Variants in PCDHGB7 observed in about 807,000 individuals in gnomAD.
PCDHGB7 encodes the protein protocadherin gamma subfamily B, 7, also known as protocadherin gamma-B7.
In PCDHGB7, 37 loss-of-function variants were observed where a neutral mutation model predicts 61.4. The observed-to-expected ratio is 0.60, with a 90% confidence interval of 0.46 to 0.79. The LOEUF is 0.79. Ranked by LOEUF, PCDHGB7 falls within the 30% of genes least tolerant of loss-of-function variation. PCDHGB7 has a pLI of 0.00. For missense variants in PCDHGB7, 1,166 were observed against 1,202.5 expected, an observed-to-expected ratio of 0.97 and a Z score of 0.45; for synonymous variants, 464 against 503.5, an observed-to-expected ratio of 0.92 and a Z score of 1.05.
In PCDHGB7 at chr5:141,431,326, T is replaced by G. The variant is rs1486136293; in HGVS notation, c.2415+11052T>G. 6.2e-7 allele frequency: 1 copy of G among 1,614,046 alleles called. No individual in the cohort carries two copies. Among genetic ancestry groups the G allele is most frequent in the Non-Finnish European group, 8.5e-7 (1 of 1,180,018 alleles). On this transcript the variant is annotated intron_variant, in intron 1 of 3. Transcript: ENST00000398594. This position sits in a 1 kb window ranked among gnomAD's most constrained non-coding sequence, Gnocchi z 4.8. Reference sequence around the variant, plus strand: ...TCGTGCAAAATGGAGCCGACGGTAGTAAGTACCCCGAATTGGTGCTGAAAC... The same window carrying G: ...TCGTGCAAAATGGAGCCGACGGTAGGAAGTACCCCGAATTGGTGCTGAAAC...
rs751318430 is a variant in PCDHGB7 at position 141,485,603 on chromosome 5, G to A, written c.2416-9204G>A. 1 of 1,612,482 alleles carries A rather than the reference G, an allele frequency of 6.2e-7. No homozygotes were observed. The stretch of plus-strand genomic sequence containing the variant: ...GCAGCAGCTGGACTTGGAAATTGGG[G>A]AGGCAGCTCCTCCAGGACAGCGTTT... On this transcript the variant is annotated intron_variant, in intron 1 of 3. Coordinates refer to ENST00000398594, the MANE Select transcript of PCDHGB7 (RefSeq NM_018927.4). This position sits in a 1 kb window ranked among gnomAD's most constrained non-coding sequence, Gnocchi z 5.7.
chr5:141,437,617 C>G (rs570138576), intron 1 of PCDHGB7, among the ~76,000 whole-genome samples: 1 of 152,220 alleles, frequency 6.6e-6, no homozygotes, highest in South Asian at 2.1e-4. Context: ...CTGCTTTATC[C>G]CCATATAAGA....
At chr5:141,500,930 G>A (rs1300719832) in intron 2 of PCDHGB7, among the ~76,000 whole-genome samples, 4 of 151,824 alleles carry the variant, frequency 2.6e-5, no homozygotes, top group Admixed American at 6.6e-5. Context: ...GTGCAGTGGC[G>A]CCATCTCGGC....
chr5:141,509,900 C>T (rs2099878860), intron 3 of PCDHGB7, among the ~76,000 whole-genome samples: 1 of 152,186 alleles, frequency 6.6e-6, no homozygotes, highest in Admixed American at 6.5e-5. Context: ...CTGTCCCTTC[C>T]AGCATGCGCT....
chr5:141,419,186 A>G lies in PCDHGB7; in HGVS notation c.1327A>G (p.Thr443Ala). ...SSSKTITLHI[T>A]DVNDNAPVFG... ...CAGCAAAACCATAACCCTGCACATTACTGACGTCAATGACAACGCGCCGGT... is the reference window on the plus strand; with the variant it reads ...CAGCAAAACCATAACCCTGCACATTGCTGACGTCAATGACAACGCGCCGGT... The change falls in exon 1 of 4, where the codon ACT (threonine) becomes GCT (alanine). Residue 443 changes from threonine to alanine, a missense_variant. Transcript: ENST00000398594. 2 of 1,613,940 alleles carry G rather than the reference A, an allele frequency of 1.2e-6. No homozygotes were observed. The highest frequency in any genetic ancestry group is 1.7e-6 in the Non-Finnish European group (2 of 1,179,882).
intron 3 of PCDHGB7, among the ~76,000 whole-genome samples, chr5:141,509,583 A>G (rs1008344833): frequency 7.2e-5 from 11 of 152,320 alleles, no homozygotes; most frequent in African/African-American, 2.4e-4. Flanking sequence ...CGTACAAATC[A>G]GCTGGCAATT....
At chr5:141,478,108 G>A (rs1160328367) in intron 1 of PCDHGB7, 1 of 1,614,046 alleles carries the variant, frequency 6.2e-7, no homozygotes, top group Admixed American at 1.7e-5. Flanking sequence ...CCCTCACTGT[G>A]TCAGTAACCG....
At chr5:141,434,128 G>A (rs1267483739) in intron 1 of PCDHGB7, among the ~76,000 whole-genome samples, 1 of 152,138 alleles carries the variant, frequency 6.6e-6, no homozygotes, top group Non-Finnish European at 1.5e-5. Flanking sequence ...ACTCCCTTTA[G>A]GCTGATTTCT....
Position 141,476,294 on chromosome 5 carries a change from A to G in PCDHGB7, c.2416-18513A>G. 6.2e-7 allele frequency: 1 copy of G among 1,613,036 alleles called. No homozygotes were observed. The highest frequency in any genetic ancestry group is 8.5e-7 in the Non-Finnish European group (1 of 1,179,642). On this transcript the variant is annotated intron_variant, in intron 1 of 3. Transcript: ENST00000398594. The surrounding 1 kb of genome is among the most constrained non-coding windows in gnomAD (Gnocchi z 7.6). ...CGCGAACCTTGGTTTGGATCTCGGT[A>G]GCCTCTCAGCCCGCAGGTTCCGGGT...
chr5:141,443,274 A>G (rs1259320198), intron 1 of PCDHGB7, among the ~76,000 whole-genome samples: 12 of 151,534 alleles, frequency 7.9e-5, no homozygotes, highest in African/African-American at 1.7e-4. Context: ...TGAGCCCAGG[A>G]GTTTGAGACC....
At chr5:141,508,756 C>A (rs890362975) in intron 3 of PCDHGB7, among the ~76,000 whole-genome samples, 2 of 151,904 alleles carry the variant, frequency 1.3e-5, no homozygotes, top group African/African-American at 4.8e-5. Flanking sequence ...CTTTCTCTGG[C>A]GCCTCTGAGG....
chr5:141,451,682 G>GA (rs1401536376), intron 1 of PCDHGB7, among the ~76,000 whole-genome samples: 1 of 152,128 alleles, frequency 6.6e-6, no homozygotes, highest in Non-Finnish European at 1.5e-5. Flanking sequence ...AGGAGTTCAA[G>GA]ACCAGCCTGG....
intron 1 of PCDHGB7, among the ~76,000 whole-genome samples, chr5:141,459,220 A>G (rs1234283814): frequency 6.6e-6 from 1 of 152,234 alleles, no homozygotes; most frequent in Non-Finnish European, 1.5e-5. Flanking sequence ...CTCCAGCTCC[A>G]GGCAACAACT....
intron 1 of PCDHGB7, chr5:141,426,513 C>T (rs780618436): frequency 6.2e-5 from 21 of 341,148 alleles, no homozygotes; most frequent in Non-Finnish European, 1.1e-4. Context: ...AATACTTTAC[C>T]GTGAACACGG....
rs1456184444 is a variant in PCDHGB7, at chr5:141,512,578, C to G, written c.*1405C>G. ...ATAGACCTTCTTCTCCCACCCCCTT[C>G]TGCCCCTGGGTCCCCGGCCATCCAG... On this transcript the variant is annotated 3_prime_UTR_variant, in exon 4 of 4. Coordinates refer to ENST00000398594, the MANE Select transcript of PCDHGB7 (RefSeq NM_018927.4). The G allele has an allele frequency of 6.5e-6, 1 of 153,062 alleles. No individual in the cohort carries two copies. The highest frequency in any genetic ancestry group is 1.5e-5 in the Non-Finnish European group (1 of 68,534). 9.5% of individuals were successfully genotyped at this position (153,062 alleles called of 1,614,324 possible). A position where few individuals can be genotyped will look rare whatever the true frequency, so the allele number is the denominator to read the frequency against.
intron 1 of PCDHGB7, among the ~76,000 whole-genome samples, chr5:141,481,008 A>G (rs2099529606): frequency 6.6e-6 from 1 of 152,224 alleles, no homozygotes; most frequent in Non-Finnish European, 1.5e-5. Context: ...CAGTGAGCCC[A>G]GATCACACCA....
At chr5:141,421,829 T>G in intron 1 of PCDHGB7, 5 of 1,613,784 alleles carry the variant, frequency 3.1e-6, no homozygotes, top group Non-Finnish European at 4.2e-6. Context: ...GAGGGAAGCC[T>G]GGACCGAGAG....
intron 1 of PCDHGB7, among the ~76,000 whole-genome samples, chr5:141,450,616 A>G (rs2098687684): frequency 6.6e-6 from 1 of 151,486 alleles, no homozygotes; most frequent in African/African-American, 2.4e-5. Flanking sequence ...CCTCCTGAGT[A>G]GCTGGGATTA....
Position 141,485,581 on chromosome 5 carries a change from G to C in PCDHGB7, c.2416-9226G>C. The C allele has an allele frequency of 6.2e-7, 1 of 1,612,458 alleles. No individual in the cohort carries two copies. The highest frequency in any genetic ancestry group is 8.5e-7 in the Non-Finnish European group (1 of 1,178,652). ...ATCACGCCCCCCGTTTTCCGCGGCA[G>C]CAGCTGGACTTGGAAATTGGGGAGG... On this transcript the variant is annotated intron_variant, in intron 1 of 3. Coordinates refer to ENST00000398594, the MANE Select transcript of PCDHGB7 (RefSeq NM_018927.4). This position sits in a 1 kb window ranked among gnomAD's most constrained non-coding sequence, Gnocchi z 5.7.
Sources: allele counts gnomAD v4.1 joint callset (sites outside exome capture counted in the v4.1 genomes callset), GRCh38; gene constraint gnomAD v4.1.1; non-coding constraint Gnocchi (gnomAD v3.1); transcripts MANE v1.5; gene names NCBI Gene and HGNC (gene_info 2026-07-23, HGNC 2026-07-21).